The following ERC2 variants were observed in gnomAD, a reference collection of about 807,000 sequenced individuals.
ERC2 encodes ERC protein 2.
In ERC2, 42 loss-of-function variants were observed where a neutral mutation model predicts 114.8. That is an observed-to-expected ratio of 0.37 (90% CI 0.29 to 0.47). The LOEUF is 0.47. ERC2 is among the 20% of genes least tolerant of loss of function. ERC2 has a pLI of 0.99. For missense variants in ERC2, 939 were observed against 1,150.7 expected, an observed-to-expected ratio of 0.82 and a Z score of 2.66; for synonymous variants, 454 against 425.5, an observed-to-expected ratio of 1.07 and a Z score of -0.82.
chr3:56,351,794 C>A (rs2058563081), intron 2 of ERC2, among the ~76,000 whole-genome samples: 2 of 152,144 alleles, frequency 1.3e-5, no homozygotes, highest in South Asian at 2.1e-4. Flanking sequence ...TTTACTGAGA[C>A]CCTACTATGA....
intron 2 of ERC2, among the ~76,000 whole-genome samples, chr3:56,349,034 C>A (rs1177353272): frequency 6.6e-6 from 1 of 151,978 alleles, no homozygotes; most frequent in African/African-American, 2.4e-5. Flanking sequence ...CTGATTTAAA[C>A]CCTCAAAAAA....
rs1000094656 is a variant in ERC2 at position 56,100,842 on chromosome 3, G to A, written c.1474-19858C>T. Reference sequence around the variant, plus strand: ...AGTACAGTAAAAGCTGTAAAAATAAGCTCTTGGTTATTTCATGACTACACA... The same window carrying A: ...AGTACAGTAAAAGCTGTAAAAATAAACTCTTGGTTATTTCATGACTACACA... On this transcript the variant is annotated intron_variant, in intron 6 of 17. Transcript: ENST00000288221. Among the ~76,000 whole-genome samples, 3 of 152,080 alleles carry A rather than the reference G, an allele frequency of 2.0e-5. No homozygotes were observed. In the South Asian group the frequency reaches 6.2e-4, roughly 32 times the overall value.
Position 56,173,489 on chromosome 3 carries a change from T to C in ERC2, c.1106A>G (p.Glu369Gly), listed in dbSNP as rs2082792886. The C allele has an allele frequency of 6.2e-7, 1 of 1,613,838 alleles. No homozygotes were observed. Among genetic ancestry groups the C allele is most frequent in the Non-Finnish European group, 8.5e-7 (1 of 1,179,860 alleles). Residue 369 changes from glutamate to glycine, a missense_variant, in exon 4 of 18, where the codon GAG becomes GGG. Around this residue, in one of 5 missense-constraint regions of ERC2, gnomAD observed 148 missense variants for 159.1 expected, o/e 0.93. Coordinates refer to ENST00000288221, the MANE Select transcript of ERC2 (RefSeq NM_015576.3). ...ELHRRSQLQP[E>G]PAKTKALQTV... is the part of the protein sequence containing the mutation. ...CTGGAGAGCCTTCGTCTTGGCTGGCTCCGGCTGAAGTTGGCTTCTTCGGTG... is the reference window on the plus strand; with the variant it reads ...CTGGAGAGCCTTCGTCTTGGCTGGCCCCGGCTGAAGTTGGCTTCTTCGGTG...
At chr3:55,936,585 A>G (rs1270750920) in intron 13 of ERC2, among the ~76,000 whole-genome samples, 1 of 152,210 alleles carries the variant, frequency 6.6e-6, no homozygotes, top group African/African-American at 2.4e-5. Flanking sequence ...AGAAACCTAC[A>G]TGAAATGAAG....
At chr3:55,691,692 TA>T (rs2062678799) in intron 16 of ERC2, among the ~76,000 whole-genome samples, 1 of 150,922 alleles carries the variant, frequency 6.6e-6, no homozygotes. Flanking sequence ...CTTATCAGGT[TA>T]CTATCATGGG....
intron 1 of ERC2, among the ~76,000 whole-genome samples, chr3:56,441,082 G>A (rs933175296): frequency 6.6e-6 from 1 of 152,178 alleles, no homozygotes; most frequent in African/African-American, 2.4e-5. Flanking sequence ...CCCTAAAGAG[G>A]CTTGACAGTT....
intron 3 of ERC2, among the ~76,000 whole-genome samples, chr3:56,290,650 C>A (rs1358418423): frequency 6.6e-6 from 1 of 152,004 alleles, no homozygotes; most frequent in African/African-American, 2.4e-5. Context: ...GAAGGGGGAC[C>A]GGAATGGCAT....
At chr3:55,649,522 A>G (rs949739168) in intron 17 of ERC2, among the ~76,000 whole-genome samples, 3 of 152,134 alleles carry the variant, frequency 2.0e-5, no homozygotes, top group Non-Finnish European at 4.4e-5. Flanking sequence ...GGCCTCCCAA[A>G]GTGCTGGGAT....
intron 2 of ERC2, among the ~76,000 whole-genome samples, chr3:56,392,005 A>G (rs149906506): frequency 2.5e-3 from 378 of 152,328 alleles, no homozygotes; most frequent in African/African-American, 8.4e-3. Context: ...ATGGTATAGC[A>G]GATGACACAC....
chr3:56,235,852 C>T (rs889458549), intron 3 of ERC2, among the ~76,000 whole-genome samples: 3 of 152,234 alleles, frequency 2.0e-5, no homozygotes, highest in Non-Finnish European at 4.4e-5. Flanking sequence ...ATATAGAGCA[C>T]TTCCATCATC....
intron 13 of ERC2, among the ~76,000 whole-genome samples, chr3:55,892,988 G>C (rs938837203): frequency 1.3e-5 from 2 of 152,044 alleles, no homozygotes; most frequent in Non-Finnish European, 2.9e-5. Context: ...GGGCGCAGAG[G>C]CCTCCTATAT....
intron 14 of ERC2, among the ~76,000 whole-genome samples, chr3:55,775,416 G>A (rs988084391): frequency 4.0e-5 from 6 of 151,808 alleles, no homozygotes; most frequent in East Asian, 1.9e-4. Context: ...CCTGTGGTTC[G>A]AGCTCTCAGG....
At chr3:56,314,641 TA>T (rs553103325) in intron 2 of ERC2, among the ~76,000 whole-genome samples, 26 of 150,836 alleles carry the variant, frequency 1.7e-4, no homozygotes, top group African/African-American at 5.6e-4. Flanking sequence ...AAATAGCACA[TA>T]AAAAAAAAGA....
chr3:55,706,129 C>T (rs901228393), intron 15 of ERC2, among the ~76,000 whole-genome samples: 6 of 152,122 alleles, frequency 3.9e-5, no homozygotes, highest in African/African-American at 1.4e-4. Flanking sequence ...GGAGATGGTA[C>T]ATAAATAGCC....
intron 2 of ERC2, among the ~76,000 whole-genome samples, chr3:56,305,977 G>A (rs867835076): frequency 3.3e-5 from 5 of 151,926 alleles, no homozygotes; most frequent in African/African-American, 1.2e-4. Context: ...GGCCTCCCAC[G>A]TAGCTGGGAC....
intron 14 of ERC2, among the ~76,000 whole-genome samples, chr3:55,824,136 C>T (rs768656198): frequency 6.6e-6 from 1 of 152,198 alleles, no homozygotes; most frequent in South Asian, 2.1e-4. Context: ...CTAATTTTAA[C>T]TTAATTTTCT....
chr3:56,420,649 G>C (rs544953140), intron 2 of ERC2, among the ~76,000 whole-genome samples: 1 of 151,740 alleles, frequency 6.6e-6, no homozygotes, highest in South Asian at 2.1e-4. Flanking sequence ...ACTTTGGGAG[G>C]CCAAGACAGG....
intron 3 of ERC2, among the ~76,000 whole-genome samples, chr3:56,288,246 A>G (rs1479849996): frequency 2.0e-5 from 3 of 152,158 alleles, no homozygotes; most frequent in Non-Finnish European, 4.4e-5. Context: ...GTGGGGCATC[A>G]TCACAAATGA....
At chr3:56,153,609 G>T (rs2081545971) in intron 4 of ERC2, among the ~76,000 whole-genome samples, 1 of 152,124 alleles carries the variant, frequency 6.6e-6, no homozygotes, top group Non-Finnish European at 1.5e-5. Context: ...GAGTATCTTT[G>T]CTAGTCAGGA....
Sources: allele counts gnomAD v4.1 joint callset (sites outside exome capture counted in the v4.1 genomes callset), GRCh38; gene constraint gnomAD v4.1.1; regional missense constraint gnomAD v4.1.1; transcripts MANE v1.5; gene names NCBI Gene and HGNC (gene_info 2026-07-23, HGNC 2026-07-21).